The following RNF130 variants were observed in gnomAD, a reference collection of about 807,000 sequenced individuals.
RNF130 encodes ring finger protein 130.
Under a neutral mutation model 44.6 loss-of-function variants are expected in RNF130, and 21 were observed. The ratio of observed to expected loss-of-function variants is 0.47; its 90% CI spans 0.33 to 0.68. RNF130 has a LOEUF of 0.68. Among genes scored for constraint, RNF130 ranks in the 30% least tolerant of loss-of-function variants. The pLI, the probability that RNF130 is intolerant of heterozygous loss-of-function variation, is 0.02. For missense variants in RNF130, 479 were observed against 560.6 expected, an observed-to-expected ratio of 0.85 and a Z score of 1.47; for synonymous variants, 214 against 210.4, an observed-to-expected ratio of 1.02 and a Z score of -0.15.
At chr5:179,932,773 T>C (rs1459849696) in intron 7 of RNF130, among the ~76,000 whole-genome samples, 3 of 151,914 alleles carry the variant, frequency 2.0e-5, no homozygotes, top group African/African-American at 7.2e-5. Flanking sequence ...GAGGCGGGGA[T>C]TGCAGTAAGC....
intron 7 of RNF130, among the ~76,000 whole-genome samples, chr5:179,935,515 C>CGTGT (rs34977597): frequency 0.026 from 3,950 of 150,590 alleles, 132 homozygotes; most frequent in East Asian, 0.14. Context: ...TATGTCAGCA[C>CGTGT]GTGTGTGTGT....
At chr5:179,962,090 G>A (rs1762344398) in intron 8 of RNF130, among the ~76,000 whole-genome samples, 1 of 152,234 alleles carries the variant, frequency 6.6e-6, no homozygotes, top group Non-Finnish European at 1.5e-5. Flanking sequence ...ATCCAGGTGT[G>A]TGTGACCTAG....
intron 7 of RNF130, among the ~76,000 whole-genome samples, chr5:179,920,854 A>T (rs1483097605): frequency 2.0e-5 from 3 of 149,508 alleles, no homozygotes; most frequent in East Asian, 3.9e-4. Context: ...CAGTAGTGTG[A>T]TCTTGGCTCA....
chr5:180,042,930 AG>A, intron 1 of RNF130, among the ~76,000 whole-genome samples: 1 of 152,256 alleles, frequency 6.6e-6, no homozygotes, highest in Non-Finnish European at 1.5e-5. Flanking sequence ...TAACTATCAC[AG>A]GTGACTGAAA....
intron 6 of RNF130, among the ~76,000 whole-genome samples, chr5:179,968,858 T>C (rs1289742940): frequency 6.6e-6 from 1 of 152,050 alleles, no homozygotes; most frequent in South Asian, 2.1e-4. Context: ...TGCTGAACGG[T>C]CTACGATGCA....
chr5:180,024,826 T>C (rs992808234), intron 2 of RNF130, among the ~76,000 whole-genome samples: 1 of 152,178 alleles, frequency 6.6e-6, no homozygotes, highest in Non-Finnish European at 1.5e-5. Context: ...GGGTCCCTTT[T>C]CATTCTTCCT....
chr5:179,930,206 T>G (rs1017125330), intron 7 of RNF130, among the ~76,000 whole-genome samples: 7 of 152,028 alleles, frequency 4.6e-5, no homozygotes, highest in African/African-American at 1.7e-4. Context: ...TACAGGCATC[T>G]GCCACCACAC....
chr5:180,002,281 G>A (rs1179976695), intron 3 of RNF130, among the ~76,000 whole-genome samples: 2 of 152,244 alleles, frequency 1.3e-5, no homozygotes, highest in Non-Finnish European at 2.9e-5. Flanking sequence ...GGAAGAACAG[G>A]TGGAGCAGCT....
rs1329931880 is a variant in RNF130, at chr5:180,013,382, G to A, written c.443-71C>T. On this transcript the variant is annotated intron_variant, in intron 2 of 8. Transcript: ENST00000521389. ...ATGGAAACATCAAATGTATCAACAC[G>A]CTACTTAGGTAACTACTATAATGTC... 38 of 1,325,640 alleles carry A rather than the reference G, an allele frequency of 2.9e-5. No homozygotes were observed. The South Asian group carries it at 3.4e-4, about 12-fold the overall frequency. 82.1% of individuals were successfully genotyped at this position (1,325,640 alleles called of 1,614,324 possible).
chr5:179,955,625 A>C lies in RNF130; in HGVS notation c.*29T>G. ...TAGGTTCTTTTTTCCTTCAAGGCAA[A>C]ATCAGTCAGAAAGCAGGTTTTTTCT... On this transcript the variant is annotated 3_prime_UTR_variant, in exon 9 of 9. Coordinates refer to ENST00000521389, the MANE Select transcript of RNF130 (RefSeq NM_018434.6). The C allele has an allele frequency of 6.3e-7, 1 of 1,575,806 alleles. No homozygotes were observed. The highest frequency in any genetic ancestry group is 8.6e-7 in the Non-Finnish European group (1 of 1,161,594).
intron 1 of RNF130, among the ~76,000 whole-genome samples, chr5:180,044,546 C>T (rs1397999899): frequency 6.6e-6 from 1 of 152,088 alleles, no homozygotes; most frequent in Non-Finnish European, 1.5e-5. Context: ...TAAAGAGCCT[C>T]CACATGGCCG....
intron 1 of RNF130, among the ~76,000 whole-genome samples, chr5:180,063,251 G>T (rs1204011251): frequency 6.6e-6 from 1 of 152,196 alleles, no homozygotes; most frequent in Non-Finnish European, 1.5e-5. Context: ...AAGAGAGTAG[G>T]AAATGATAGT....
intron 1 of RNF130, 138 bp downstream of exon 1, chr5:180,071,318 G>A (rs1039300307): frequency 7.4e-6 from 6 of 808,580 alleles, no homozygotes; most frequent in Non-Finnish European, 6.6e-6. Flanking sequence ...TGTCCACGAC[G>A]GAAGCCTCGA....
intron 1 of RNF130, among the ~76,000 whole-genome samples, chr5:180,061,220 G>A (rs898207031): frequency 2.6e-5 from 4 of 152,064 alleles, no homozygotes; most frequent in East Asian, 1.9e-4. Flanking sequence ...GAGCAGCCTC[G>A]GTGGAAAACA....
intron 3 of RNF130, among the ~76,000 whole-genome samples, chr5:179,997,050 T>C (rs1166553668): frequency 1.2e-4 from 18 of 152,244 alleles, no homozygotes; most frequent in Non-Finnish European, 1.5e-5. Context: ...TGTTGGTATA[T>C]GTGTCTGGGA....
At chr5:179,996,145 T>C (rs1441154892) in intron 3 of RNF130, among the ~76,000 whole-genome samples, 1 of 152,244 alleles carries the variant, frequency 6.6e-6, no homozygotes, top group Non-Finnish European at 1.5e-5. Flanking sequence ...ATCAGTGTTT[T>C]AGTTTTCCTT....
intron 7 of RNF130, among the ~76,000 whole-genome samples, chr5:179,964,582 T>C (rs1204981095): frequency 1.3e-5 from 2 of 152,254 alleles, no homozygotes; most frequent in Non-Finnish European, 2.9e-5. Flanking sequence ...ACAAGCTGTA[T>C]ACAGCATGTG....
intron 7 of RNF130, among the ~76,000 whole-genome samples, chr5:179,941,778 T>C (rs544005807): frequency 5.9e-5 from 9 of 152,328 alleles, no homozygotes; most frequent in African/African-American, 1.4e-4. Flanking sequence ...CTTGATATGA[T>C]GGTTGCACCA....
At chr5:180,048,072 A>G (rs1303147584) in intron 1 of RNF130, among the ~76,000 whole-genome samples, 2 of 151,130 alleles carry the variant, frequency 1.3e-5, no homozygotes, top group African/African-American at 4.9e-5. Flanking sequence ...CTGAGAAATT[A>G]TTTTTCATTT....
Sources: allele counts gnomAD v4.1 joint callset (sites outside exome capture counted in the v4.1 genomes callset), GRCh38; gene constraint gnomAD v4.1.1; transcripts MANE v1.5; gene names NCBI Gene and HGNC (gene_info 2026-07-23, HGNC 2026-07-21).